The following KAZN variants were observed in gnomAD, a reference collection of about 807,000 sequenced individuals.
KAZN encodes kazrin, periplakin interacting protein.
KAZN carries 40 observed loss-of-function variants against 87.4 expected under a neutral mutation model. That is an observed-to-expected ratio of 0.46 (90% confidence interval 0.36 to 0.60). KAZN has a LOEUF of 0.60. KAZN is among the 20% of genes least tolerant of loss of function. The pLI is 0.00. For missense variants in KAZN, 898 were observed against 1,073.9 expected, an observed-to-expected ratio of 0.84 and a Z score of 2.29; for synonymous variants, 466 against 458.3, an observed-to-expected ratio of 1.02 and a Z score of -0.22.
intron 8 of KAZN, among the ~76,000 whole-genome samples, chr1:15,093,322 T>G (rs552449017): frequency 6.6e-6 from 1 of 152,098 alleles, no homozygotes; most frequent in South Asian, 2.1e-4. Context: ...AGCTGCTGTC[T>G]CTAGGTGGTG....
At chr1:14,929,164 T>G (rs1272795899) in intron 1 of KAZN, among the ~76,000 whole-genome samples, 1 of 152,250 alleles carries the variant, frequency 6.6e-6, no homozygotes, top group Non-Finnish European at 1.5e-5. Flanking sequence ...TGGGGCCTGA[T>G]GCTACCCATG....
chr1:13,984,912 T>A (rs548481484), intron 1 of KAZN, among the ~76,000 whole-genome samples: 2 of 152,354 alleles, frequency 1.3e-5, no homozygotes, highest in African/African-American at 4.8e-5. Flanking sequence ...TTTTAGGATT[T>A]TTTTTTCAAA....
chr1:14,887,432 C>T (rs1366492567), intron 1 of KAZN, among the ~76,000 whole-genome samples: 2 of 152,202 alleles, frequency 1.3e-5, no homozygotes, highest in African/African-American at 4.8e-5. Flanking sequence ...CCCATTAGGC[C>T]TCTGATTGGT....
chr1:15,004,535 G>A (rs190859906), intron 2 of KAZN, among the ~76,000 whole-genome samples: 45 of 152,310 alleles, frequency 3.0e-4, no homozygotes, highest in Non-Finnish European at 5.7e-4. Context: ...ACTTCTTCAG[G>A]GTGTTTTGAG....
chr1:14,446,902 TA>T (rs998890692), intron 2 of KAZN, among the ~76,000 whole-genome samples: 13 of 151,716 alleles, frequency 8.6e-5, no homozygotes, highest in East Asian at 3.9e-4. Context: ...GAAGCACCTT[TA>T]AAAAAAAATT....
chr1:14,932,462 G>C (rs112122775), intron 1 of KAZN, among the ~76,000 whole-genome samples: 7 of 152,310 alleles, frequency 4.6e-5, no homozygotes, highest in Admixed American at 1.3e-4. Flanking sequence ...GAGAGCCTGC[G>C]TGGGGCCCTC....
intron 2 of KAZN, among the ~76,000 whole-genome samples, chr1:14,973,690 C>T (rs1011420568): frequency 2.6e-5 from 4 of 151,820 alleles, no homozygotes; most frequent in Admixed American, 6.6e-5. Context: ...GGGCATTTAA[C>T]AAAGGCAAGG....
At chr1:14,446,701 C>T (rs1269129393) in intron 2 of KAZN, among the ~76,000 whole-genome samples, 3 of 152,090 alleles carry the variant, frequency 2.0e-5, no homozygotes, top group South Asian at 2.1e-4. Flanking sequence ...GTTCTTCATT[C>T]GCAGGTAGCT....
chr1:14,029,560 C>A (rs1319568428), intron 1 of KAZN, among the ~76,000 whole-genome samples: 3 of 141,512 alleles, frequency 2.1e-5, no homozygotes, highest in Non-Finnish European at 3.1e-5. Flanking sequence ...ATGCCTATGT[C>A]CTGAATGGTA....
chr1:14,009,336 G>T (rs1337165644), intron 1 of KAZN, among the ~76,000 whole-genome samples: 3 of 152,116 alleles, frequency 2.0e-5, no homozygotes, highest in East Asian at 3.8e-4. Context: ...AGGTAGAATT[G>T]CTAGGTCATA....
chr1:14,415,294 G>A (rs1664658092), intron 2 of KAZN, among the ~76,000 whole-genome samples: 1 of 152,138 alleles, frequency 6.6e-6, no homozygotes, highest in Non-Finnish European at 1.5e-5. Context: ...CGGACAATAT[G>A]TAGATTAGGC....
intron 1 of KAZN, among the ~76,000 whole-genome samples, chr1:13,966,342 A>T (rs148724606): frequency 1.4e-3 from 220 of 152,122 alleles, no homozygotes; most frequent in African/African-American, 5.1e-3. Flanking sequence ...CGCCTTTTGG[A>T]CCCCAGAGCT....
intron 2 of KAZN, among the ~76,000 whole-genome samples, chr1:15,026,319 G>A (rs532052017): frequency 3.5e-4 from 53 of 152,334 alleles, no homozygotes; most frequent in African/African-American, 1.2e-3. Context: ...GCCTTGCCAG[G>A]TGGAGACGAT....
intron 2 of KAZN, among the ~76,000 whole-genome samples, chr1:14,459,841 A>T (rs1015309665): frequency 6.6e-5 from 10 of 152,232 alleles, no homozygotes; most frequent in Non-Finnish European, 1.3e-4. Flanking sequence ...AAGGAAAGAA[A>T]GGCAAGATTT....
At chr1:14,205,863 C>T (rs1241412665) in intron 2 of KAZN, among the ~76,000 whole-genome samples, 3 of 100,376 alleles carry the variant, frequency 3.0e-5, no homozygotes, top group African/African-American at 1.2e-4. Flanking sequence ...TCCAGCCAGG[C>T]GACAGAGCAA....
Position 15,060,494 on chromosome 1 carries a change from C to T in KAZN, c.1047+192C>T, listed in dbSNP as rs1184298279. The T allele has an allele frequency of 9.3e-5, 70 of 752,984 alleles. 1 individual carries two copies. Among genetic ancestry groups the T allele is most frequent in the Non-Finnish European group, 1.3e-4 (63 of 474,802 alleles). 46.6% of individuals were successfully genotyped at this position (752,984 alleles called of 1,614,324 possible). A position where few individuals can be genotyped will look rare whatever the true frequency, so the allele number is the denominator to read the frequency against. ...TGTGGGGAGAAAAAGGAATGAGGCC[C>T]GTTTGCTCCTTGTGTCCGGGAGGGT... On this transcript the variant is annotated intron_variant, in intron 6 of 14. Coordinates refer to ENST00000376030, the MANE Select transcript of KAZN (RefSeq NM_201628.3).
At chr1:14,749,420 C>A (rs1378905060) in intron 1 of KAZN, among the ~76,000 whole-genome samples, 6 of 152,220 alleles carry the variant, frequency 3.9e-5, no homozygotes, top group African/African-American at 1.4e-4. Context: ...GTGCTGAGAA[C>A]ACCCTCAATG....
At chr1:14,927,652 G>A (rs548205802) in intron 1 of KAZN, among the ~76,000 whole-genome samples, 1 of 152,174 alleles carries the variant, frequency 6.6e-6, no homozygotes, top group East Asian at 1.9e-4. Context: ...TGTAGACGAG[G>A]CACTCTACAG....
chr1:14,752,345 C>T (rs780729296), intron 1 of KAZN, among the ~76,000 whole-genome samples: 1 of 152,136 alleles, frequency 6.6e-6, no homozygotes, highest in Non-Finnish European at 1.5e-5. Flanking sequence ...TCTCCTTCTG[C>T]GCATAAGGAA....
Sources: allele counts gnomAD v4.1 joint callset (sites outside exome capture counted in the v4.1 genomes callset), GRCh38; gene constraint gnomAD v4.1.1; transcripts MANE v1.5; gene names NCBI Gene and HGNC (gene_info 2026-07-23, HGNC 2026-07-21).